AGBL4: variants seen among roughly 807,000 people sequenced by gnomAD.
AGBL4 encodes cytosolic carboxypeptidase 6.
Under a neutral mutation model 66.4 loss-of-function variants are expected in AGBL4, and 58 were observed. The ratio of observed to expected loss-of-function variants is 0.87; its 90% CI spans 0.71 to 1.09. AGBL4 has a LOEUF of 1.09. AGBL4 is among the 50% of genes least tolerant of loss of function. The pLI is 0.00. For synonymous variants in AGBL4, 234 were observed against 222.9 expected (o/e 1.05, Z -0.44); for missense variants, 579 against 631.0 (o/e 0.92, Z 0.88).
chr1:49,891,622 A>T (rs143050442), intron 1 of AGBL4, among the ~76,000 whole-genome samples: 54 of 152,340 alleles, frequency 3.5e-4, no homozygotes, highest in Admixed American at 6.5e-4. Context: ...AAACCCCGAA[A>T]GGTGAGTAAA....
intron 4 of AGBL4, among the ~76,000 whole-genome samples, chr1:49,133,319 T>C (rs898953978): frequency 2.6e-5 from 4 of 152,072 alleles, no homozygotes; most frequent in Non-Finnish European, 5.9e-5. Context: ...GGTTGATAGG[T>C]GCAGCAAACC....
intron 5 of AGBL4, among the ~76,000 whole-genome samples, chr1:48,952,853 T>C (rs1557495657): frequency 2.0e-5 from 3 of 151,122 alleles, no homozygotes; most frequent in South Asian, 4.2e-4. Flanking sequence ...CATTATGAGA[T>C]TTTTTTGTGA....
rs1045912215 is a variant in AGBL4 at position 48,724,463 on chromosome 1, T to C, written c.635-61222A>G. Among the ~76,000 whole-genome samples, 4 of 152,212 alleles carry C rather than the reference T, an allele frequency of 2.6e-5. No individual in the cohort carries two copies. In the South Asian group the frequency reaches 8.3e-4, roughly 32 times the overall value. Reference sequence around the variant, plus strand: ...TTGGGCAGCTGACCAGGTGGTTTACTCAATTGCAGCTTTATGTTGGTCCAC... The same window carrying C: ...TTGGGCAGCTGACCAGGTGGTTTACCCAATTGCAGCTTTATGTTGGTCCAC... On this transcript the variant is annotated intron_variant, in intron 6 of 13. Coordinates refer to ENST00000371839, the MANE Select transcript of AGBL4 (RefSeq NM_032785.4).
intron 5 of AGBL4, among the ~76,000 whole-genome samples, chr1:48,913,848 G>A (rs1653358366): frequency 6.6e-6 from 1 of 152,134 alleles, no homozygotes; most frequent in Admixed American, 6.6e-5. Context: ...CAGAGAGGTT[G>A]GGGACTGCTG....
intron 4 of AGBL4, among the ~76,000 whole-genome samples, chr1:49,085,921 C>G (rs531211354): frequency 6.6e-6 from 1 of 152,160 alleles, no homozygotes; most frequent in Admixed American, 6.5e-5. Context: ...GGCCCCAGAG[C>G]AGATCAGCGT....
intron 5 of AGBL4, among the ~76,000 whole-genome samples, chr1:48,960,391 A>G (rs958246887): frequency 6.6e-6 from 1 of 152,182 alleles, no homozygotes; most frequent in Non-Finnish European, 1.5e-5. Context: ...TTGAGTTAAC[A>G]ATTGGATGTA....
Position 49,551,690 on chromosome 1 carries a change from T to C in AGBL4, c.282+145623A>G, listed in dbSNP as rs145396900. ...CCATGGACACCATCACCTGTTCCAG[T>C]GGAGGTGATAGCGGGGTGTAATGGA... On this transcript the variant is annotated intron_variant, in intron 3 of 13. Transcript: ENST00000371839. Among the ~76,000 whole-genome samples, 885 of 152,242 alleles carry C rather than the reference T, an allele frequency of 5.8e-3. 7 individuals are homozygous for C. The highest frequency in any genetic ancestry group is 0.017 in the Middle Eastern group (5 of 294).
chr1:49,583,314 G>A (rs961731329), intron 3 of AGBL4, among the ~76,000 whole-genome samples: 3 of 152,292 alleles, frequency 2.0e-5, no homozygotes, highest in African/African-American at 4.8e-5. Flanking sequence ...AAGCTTTTGT[G>A]CTCAGGACGC....
intron 2 of AGBL4, among the ~76,000 whole-genome samples, chr1:49,795,267 G>T (rs575530941): frequency 6.6e-6 from 1 of 151,616 alleles, no homozygotes; most frequent in Non-Finnish European, 1.5e-5. Context: ...TAAAAAGGAA[G>T]ACATTAACAA....
At chr1:49,526,871 G>A (rs1342766716) in intron 3 of AGBL4, among the ~76,000 whole-genome samples, 1 of 152,122 alleles carries the variant, frequency 6.6e-6, no homozygotes, top group East Asian at 1.9e-4. Flanking sequence ...ATTCTGGAGT[G>A]ATTTCTTAAA....
intron 4 of AGBL4, among the ~76,000 whole-genome samples, chr1:49,131,249 T>C (rs972608179): frequency 6.6e-6 from 1 of 152,094 alleles, no homozygotes; most frequent in African/African-American, 2.4e-5. Context: ...AGAGCTGAAG[T>C]TGACAGAAAA....
At chr1:48,661,926 C>T (rs320005) in intron 7 of AGBL4, among the ~76,000 whole-genome samples, 74,918 of 151,968 alleles carry the variant, frequency 0.49, 19,830 homozygotes, top group Middle Eastern at 0.65. Flanking sequence ...AAGGACAATG[C>T]TGGGGAGGAA....
At chr1:49,624,881 C>A (rs1157413362) in intron 3 of AGBL4, among the ~76,000 whole-genome samples, 1 of 152,150 alleles carries the variant, frequency 6.6e-6, no homozygotes, top group Non-Finnish European at 1.5e-5. Flanking sequence ...TATACATAAG[C>A]CCAATCTTAA....
At chr1:49,617,003 A>T (rs945479834) in intron 3 of AGBL4, among the ~76,000 whole-genome samples, 2 of 152,152 alleles carry the variant, frequency 1.3e-5, no homozygotes, top group African/African-American at 4.8e-5. Context: ...TTCTACATAG[A>T]GGGCAATTCA....
At chr1:49,609,241 C>T (rs980976010) in intron 3 of AGBL4, among the ~76,000 whole-genome samples, 1 of 152,166 alleles carries the variant, frequency 6.6e-6, no homozygotes, top group Non-Finnish European at 1.5e-5. Flanking sequence ...GGGACATATG[C>T]TAGCTTCCTG....
chr1:49,085,138 A>T (rs1324105299), intron 4 of AGBL4, among the ~76,000 whole-genome samples: 1 of 152,158 alleles, frequency 6.6e-6, no homozygotes, highest in African/African-American at 2.4e-5. Flanking sequence ...TCTGCTGAGG[A>T]TGTAAATAAA....
intron 9 of AGBL4, among the ~76,000 whole-genome samples, chr1:48,619,587 T>C (rs1259692248): frequency 6.6e-6 from 1 of 152,194 alleles, no homozygotes; most frequent in Non-Finnish European, 1.5e-5. Context: ...CCGAGTCACA[T>C]AGCAAAGATG....
intron 3 of AGBL4, among the ~76,000 whole-genome samples, chr1:49,632,727 C>T (rs1399986694): frequency 6.6e-6 from 1 of 152,134 alleles, no homozygotes; most frequent in African/African-American, 2.4e-5. Context: ...TTGCCTTTGT[C>T]ATAGTAAGAA....
chr1:48,856,309 A>G (rs764521359), intron 6 of AGBL4, among the ~76,000 whole-genome samples: 3 of 152,232 alleles, frequency 2.0e-5, no homozygotes, highest in Non-Finnish European at 2.9e-5. Flanking sequence ...ACTTACTGTG[A>G]TTGCAATTAT....
Sources: allele counts gnomAD v4.1 joint callset (sites outside exome capture counted in the v4.1 genomes callset), GRCh38; gene constraint gnomAD v4.1.1; transcripts MANE v1.5; gene names NCBI Gene and HGNC (gene_info 2026-07-23, HGNC 2026-07-21).